Variants in FNBP1 observed in about 807,000 individuals in gnomAD.
The protein encoded by FNBP1 is formin-binding protein 1.
FNBP1 carries 26 observed loss-of-function variants against 90.6 expected under a neutral mutation model. The observed-to-expected ratio is 0.29, with a 90% CI of 0.21 to 0.40. The LOEUF is 0.40. FNBP1 is among the 10% of genes least tolerant of loss of function. The pLI is 1.00. For synonymous variants in FNBP1, 260 were observed against 265.2 expected (o/e 0.98, Z 0.19); for missense variants, 635 against 768.0 (o/e 0.83, Z 2.05).
At chr9:129,958,985 C>CAAAAAAAAAAAAAAAA (rs60640596) in intron 4 of FNBP1, among the ~76,000 whole-genome samples, 1,395 of 9,132 alleles carry the variant, frequency 0.15, 547 homozygotes, top group East Asian at 0.39. Context: ...AACTCTGCCT[C>CAAAAAAAAAAAAAAAA]AAAAAAAAAA....
rs1006332161 is a variant in FNBP1, at chr9:130,020,457, G to A, written c.24+22495C>T. Among the ~76,000 whole-genome samples the A allele has an allele frequency of 3.3e-5, 5 of 152,040 alleles. No homozygotes were observed. In the South Asian group the frequency reaches 8.3e-4, roughly 25 times the overall value. On this transcript the variant is annotated intron_variant, in intron 1 of 16. Coordinates refer to ENST00000446176, the MANE Select transcript of FNBP1 (RefSeq NM_015033.3). ...ACTCCTGGTCTCAAGTGATCCACCC[G>A]CCTTGGCCTCCTAAAGTGCTGGGAT...
At position 129,890,598 on chromosome 9, in the gene FNBP1, G is replaced by T; in HGVS notation, c.1847-52C>A. On this transcript the variant is annotated intron_variant, in intron 16 of 16. Coordinates refer to ENST00000446176, the MANE Select transcript of FNBP1 (RefSeq NM_015033.3). The surrounding 1 kb of genome is among the most constrained non-coding windows in gnomAD (Gnocchi z 5.8). ...GAAACTCTCTGTTAGAGAGGAAGGC[G>T]CGGGTTCCAGGCGGGCATTTTGCTC... 7.8e-6 allele frequency: 12 copies of T among 1,534,136 alleles called. No individual in the cohort carries two copies. The South Asian group carries it at 1.4e-4, about 18-fold the overall frequency.
intron 6 of FNBP1, among the ~76,000 whole-genome samples, chr9:129,953,084 C>T (rs2046411731): frequency 1.3e-5 from 2 of 152,298 alleles, no homozygotes; most frequent in South Asian, 4.1e-4. Context: ...TTTTCAATTA[C>T]TTACAGAATA....
Position 129,973,325 on chromosome 9 carries a change from C to A in FNBP1, c.345+5140G>T, listed in dbSNP as rs927312986. 4.6e-4 allele frequency among the ~76,000 whole-genome samples: 70 copies of A among 152,152 alleles called. 3 individuals carry two copies. The highest frequency in any genetic ancestry group is 4.4e-5 in the Non-Finnish European group (3 of 68,030). On this transcript the variant is annotated intron_variant, in intron 4 of 16. Transcript: ENST00000446176. ...CTGTGTGCGCCAATAATTAACCTCA[C>A]CAGAAGACAGAAATGATAGCATTCC...
upstream of FNBP1, among the ~76,000 whole-genome samples, chr9:130,044,172 G>C (rs186358251): frequency 1.4e-4 from 22 of 152,326 alleles, no homozygotes; most frequent in East Asian, 4.2e-3. Context: ...TTTCCCCACA[G>C]CTTATCTTTC....
chr9:129,942,083 C>A (rs1232701259), intron 6 of FNBP1, among the ~76,000 whole-genome samples: 2 of 150,842 alleles, frequency 1.3e-5, no homozygotes, highest in Non-Finnish European at 3.0e-5. Context: ...AAAAAAAAAC[C>A]AAAACCAAAA....
chr9:129,903,414 GGAAGATTA>G (rs2037346137), intron 12 of FNBP1, among the ~76,000 whole-genome samples: 1 of 152,108 alleles, frequency 6.6e-6, no homozygotes. Flanking sequence ...TGGAAACGTG[GGAAGATTA>G]GAGTATGGAT....
upstream of FNBP1, among the ~76,000 whole-genome samples, chr9:130,047,578 A>C (rs1455283056): frequency 6.6e-6 from 1 of 152,102 alleles, no homozygotes. Flanking sequence ...GCACCACTGC[A>C]CTCTAGCCTG....
chr9:129,991,275 A>ATT (rs34733804), intron 2 of FNBP1, among the ~76,000 whole-genome samples: 110 of 132,826 alleles, frequency 8.3e-4, no homozygotes, highest in African/African-American at 2.7e-3. Context: ...GGAAATGCAG[A>ATT]TTTTTTTTTT....
intron 6 of FNBP1, among the ~76,000 whole-genome samples, chr9:129,944,169 A>G (rs1347764817): frequency 6.6e-6 from 1 of 151,890 alleles, no homozygotes; most frequent in East Asian, 1.9e-4. Flanking sequence ...AAAGGTATCT[A>G]TTACAGTCCT....
the FNBP1 span, among the ~76,000 whole-genome samples, chr9:130,052,455 CAG>C: frequency 1.3e-5 from 2 of 151,830 alleles, no homozygotes; most frequent in Admixed American, 6.6e-5. Context: ...TTTATTGAGA[CAG>C]AGTCTCACTC....
At chr9:129,947,845 C>T (rs528445514) in intron 6 of FNBP1, among the ~76,000 whole-genome samples, 2 of 152,070 alleles carry the variant, frequency 1.3e-5, no homozygotes, top group East Asian at 3.9e-4. Context: ...TGGTCTCGAA[C>T]TCCCAACCTC....
chr9:130,009,070 C>T (rs1038411448), intron 1 of FNBP1, among the ~76,000 whole-genome samples: 1 of 151,948 alleles, frequency 6.6e-6, no homozygotes, highest in African/African-American at 2.4e-5. Flanking sequence ...TAAATATTTC[C>T]AAGTTGGAGG....
Position 129,887,518 on chromosome 9 carries a change from C to A in FNBP1, c.*3021G>T, listed in dbSNP as rs1382003075. On this transcript the variant is annotated 3_prime_UTR_variant, in exon 17 of 17. Transcript: ENST00000446176. Reference sequence around the variant, plus strand: ...TTTCTGGAAAAACACTTAGCATGAACGTCACTTTTTGACGTCGTGTAAACT... The same window carrying A: ...TTTCTGGAAAAACACTTAGCATGAAAGTCACTTTTTGACGTCGTGTAAACT... 4.8e-6 allele frequency: 1 copy of A among 206,576 alleles called. No individual in the cohort carries two copies. The highest frequency in any genetic ancestry group is 2.3e-5 in the African/African-American group (1 of 43,774). The allele number at this position is 206,576 out of a possible 1,614,324, so 12.8% of individuals were successfully genotyped here.
chr9:130,049,741 T>G, the FNBP1 span, among the ~76,000 whole-genome samples: 1 of 152,014 alleles, frequency 6.6e-6, no homozygotes, highest in Non-Finnish European at 1.5e-5. Flanking sequence ...AAAGAAAGAA[T>G]ACGTATAAAA....
intron 1 of FNBP1, among the ~76,000 whole-genome samples, chr9:130,038,147 A>T (rs488593): frequency 6.6e-6 from 1 of 151,638 alleles, no homozygotes; most frequent in Non-Finnish European, 1.5e-5. Context: ...GAGGTCAGGA[A>T]ATCGAGACCA....
chr9:130,032,102 C>T (rs1325348960), intron 1 of FNBP1, among the ~76,000 whole-genome samples: 2 of 152,066 alleles, frequency 1.3e-5, no homozygotes, highest in African/African-American at 4.8e-5. Context: ...AGACTTCACA[C>T]GTACACCTTA....
Position 130,043,062 on chromosome 9 carries a change from C to T in FNBP1, c.-87G>A, listed in dbSNP as rs2059985267. The T allele has an allele frequency of 2.5e-6, 3 of 1,181,906 alleles. No homozygotes were observed. Among genetic ancestry groups the T allele is most frequent in the South Asian group, 4.3e-5 (1 of 23,410 alleles). The allele number at this position is 1,181,906 out of a possible 1,614,324, so 73.2% of individuals were successfully genotyped here. On this transcript the variant is annotated 5_prime_UTR_variant, in exon 1 of 17. Coordinates refer to ENST00000446176, the MANE Select transcript of FNBP1 (RefSeq NM_015033.3). The stretch of plus-strand genomic sequence containing the variant: ...GGCGATCCCTTTGCCCCCCGAGATC[C>T]CCGCGACGGCGGAAAGCCCGGAGTC...
intron 1 of FNBP1, among the ~76,000 whole-genome samples, chr9:130,027,930 A>T (rs1456197476): frequency 6.8e-6 from 1 of 146,350 alleles, no homozygotes; most frequent in Admixed American, 6.8e-5. Context: ...AGAAATCATT[A>T]AAAAAAAAAA....
Sources: gnomAD v4.1 joint callset for allele counts (sites outside exome capture counted in the v4.1 genomes callset) on GRCh38, gnomAD v4.1.1 for gene constraint, Gnocchi (gnomAD v3.1) non-coding constraint, MANE v1.5 for transcripts, NCBI Gene and HGNC (gene_info 2026-07-23, HGNC 2026-07-21) for gene names.